HTR1F: variants seen among roughly 807,000 people sequenced by gnomAD.
The protein encoded by HTR1F is 5-hydroxytryptamine (serotonin) receptor 1F, G protein-coupled.
Under a neutral mutation model 24.0 loss-of-function variants are expected in HTR1F, and 17 were observed. The observed-to-expected ratio is 0.71, with a 90% CI of 0.48 to 1.06. HTR1F has a LOEUF of 1.06. HTR1F is among the 50% of genes least tolerant of loss of function. HTR1F has a pLI of 0.00. For synonymous variants in HTR1F, 186 were observed against 156.8 expected (o/e 1.19, Z -1.39); for missense variants, 391 against 427.8 (o/e 0.91, Z 0.76).
At chr3:87,909,229 G>C (rs764484215) in intron 2 of HTR1F, among the ~76,000 whole-genome samples, 2 of 151,970 alleles carry the variant, frequency 1.3e-5, no homozygotes, top group Non-Finnish European at 2.9e-5. Context: ...AAGAATCCCC[G>C]GTCAAATCAT....
Position 87,876,464 on chromosome 3 carries a change from T to G in HTR1F, c.-43+54340T>G, listed in dbSNP as rs373810686. On this transcript the variant is annotated intron_variant, in intron 2 of 2. Coordinates refer to ENST00000319595, the MANE Select transcript of HTR1F (RefSeq NM_001322209.2). ...AAAAGAAAGACATCTTGTCACATAGTAAAAACACAGATGAATCTTGAAGAC... is the reference window on the plus strand; with the variant it reads ...AAAAGAAAGACATCTTGTCACATAGGAAAAACACAGATGAATCTTGAAGAC... Among the ~76,000 whole-genome samples the G allele has an allele frequency of 3.3e-5, 5 of 152,228 alleles. No individual in the cohort carries two copies. The East Asian group carries it at 9.7e-4, about 29-fold the overall frequency.
intron 2 of HTR1F, among the ~76,000 whole-genome samples, chr3:87,823,296 AT>A (rs576154328): frequency 6.5e-4 from 99 of 152,246 alleles, no homozygotes; most frequent in African/African-American, 2.1e-3. Context: ...CCTTAGTATT[AT>A]TTTTTAAAAG....
At chr3:87,946,072 A>C (rs1704694023) in intron 2 of HTR1F, among the ~76,000 whole-genome samples, 2 of 152,206 alleles carry the variant, frequency 1.3e-5, no homozygotes, top group African/African-American at 2.4e-5. Context: ...GAACCCAGTG[A>C]CTAGTGTTCA....
At chr3:87,960,663 C>G (rs757006713) in intron 2 of HTR1F, among the ~76,000 whole-genome samples, 2 of 151,954 alleles carry the variant, frequency 1.3e-5, no homozygotes, top group Non-Finnish European at 2.9e-5. Context: ...ATAGAAGCAT[C>G]TTGCATGGAT....
intron 2 of HTR1F, among the ~76,000 whole-genome samples, 142 bp downstream of exon 2, chr3:87,822,266 A>G (rs1258577550): frequency 6.6e-6 from 1 of 152,218 alleles, no homozygotes; most frequent in Admixed American, 6.5e-5. Flanking sequence ...AGGAAAGGCC[A>G]GAGCCACTGA....
chr3:87,911,335 C>T (rs538749008), intron 2 of HTR1F, among the ~76,000 whole-genome samples: 5 of 152,200 alleles, frequency 3.3e-5, no homozygotes, highest in African/African-American at 9.6e-5. Flanking sequence ...CTATTATGAA[C>T]ACCTCTGTGC....
At chr3:87,921,690 T>C (rs1704015367) in intron 2 of HTR1F, among the ~76,000 whole-genome samples, 1 of 151,878 alleles carries the variant, frequency 6.6e-6, no homozygotes. Context: ...GCTGTATTTT[T>C]TTATTTGTTA....
At chr3:87,868,136 C>T (rs1705469044) in intron 2 of HTR1F, among the ~76,000 whole-genome samples, 1 of 152,094 alleles carries the variant, frequency 6.6e-6, no homozygotes, top group Non-Finnish European at 1.5e-5. Flanking sequence ...TGTACAGCCT[C>T]TGACATTTTC....
At chr3:87,932,348 T>A (rs1279769681) in intron 2 of HTR1F, among the ~76,000 whole-genome samples, 9 of 152,164 alleles carry the variant, frequency 5.9e-5, no homozygotes, top group Non-Finnish European at 1.0e-4. Context: ...AAAGATCAGA[T>A]AGTTGTAGAT....
chr3:87,884,457 C>T (rs1705887258), intron 2 of HTR1F, among the ~76,000 whole-genome samples: 1 of 152,110 alleles, frequency 6.6e-6, no homozygotes, highest in African/African-American at 2.4e-5. Context: ...GGCAAAAGAA[C>T]CAGCTAACAT....
chr3:87,885,537 A>G (rs1179726766), intron 2 of HTR1F, among the ~76,000 whole-genome samples: 1 of 152,166 alleles, frequency 6.6e-6, no homozygotes, highest in African/African-American at 2.4e-5. Flanking sequence ...CCCTTCAAAA[A>G]ATCAGTGAAT....
chr3:87,972,045 A>G (rs774394329), intron 2 of HTR1F, among the ~76,000 whole-genome samples: 6 of 152,162 alleles, frequency 3.9e-5, no homozygotes, highest in African/African-American at 7.2e-5. Context: ...CTCACCCTCA[A>G]TTAACACACA....
At chr3:87,823,930 G>A (rs554161144) in intron 2 of HTR1F, among the ~76,000 whole-genome samples, 2 of 151,616 alleles carry the variant, frequency 1.3e-5, no homozygotes, top group South Asian at 2.1e-4. Flanking sequence ...ATGGTGGCGC[G>A]CCTGTAGTCC....
At chr3:87,925,816 C>T (rs1325852356) in intron 2 of HTR1F, among the ~76,000 whole-genome samples, 1 of 152,136 alleles carries the variant, frequency 6.6e-6, no homozygotes, top group African/African-American at 2.4e-5. Context: ...TACCATTTCT[C>T]TACAATCTTG....
chr3:87,798,938 C>T (rs1386319571), intron 1 of HTR1F, among the ~76,000 whole-genome samples: 1 of 152,160 alleles, frequency 6.6e-6, no homozygotes, highest in Non-Finnish European at 1.5e-5. Context: ...ATTGCCCATT[C>T]TTAGCTCTCT....
At chr3:87,794,299 A>AAGGT (rs1480377394) in intron 1 of HTR1F, among the ~76,000 whole-genome samples, 4 of 152,060 alleles carry the variant, frequency 2.6e-5, no homozygotes, top group Non-Finnish European at 4.4e-5. Context: ...AAGCATCACC[A>AAGGT]CTTCGTGCCT....
intron 2 of HTR1F, among the ~76,000 whole-genome samples, chr3:87,832,098 C>G (rs1704591143): frequency 6.6e-6 from 1 of 152,128 alleles, no homozygotes; most frequent in African/African-American, 2.4e-5. Flanking sequence ...TTCATAACCA[C>G]TATACTGTGC....
At position 87,981,243 on chromosome 3, in the gene HTR1F, G is replaced by A. The variant is rs770266743; in HGVS notation, c.-42-9465G>A. ...GGAGTCTTACTCTGTCACCCAGGCT[G>A]GAGTGCAGTGGTGCAATCTCAGCTT... On this transcript the variant is annotated intron_variant, in intron 2 of 2. Transcript: ENST00000319595. Among the ~76,000 whole-genome samples, 27 of 152,132 alleles carry A rather than the reference G, an allele frequency of 1.8e-4. 1 individual carries two copies. Among genetic ancestry groups the A allele is most frequent in the Admixed American group, 1.3e-3 (20 of 15,280 alleles).
rs1055404449 is a variant in HTR1F, at chr3:87,992,686, G to A, written c.*836G>A. On this transcript the variant is annotated 3_prime_UTR_variant, in exon 3 of 3. Coordinates refer to ENST00000319595, the MANE Select transcript of HTR1F (RefSeq NM_001322209.2). ...TAAATATCATAGATTACTCACCACA[G>A]TTATACTCTTAACATCTTTTTAAAA... The A allele has an allele frequency of 6.0e-6, 1 of 166,854 alleles. No homozygotes were observed. The highest frequency in any genetic ancestry group is 2.4e-5 in the African/African-American group (1 of 41,404). 10.3% of individuals were successfully genotyped at this position (166,854 alleles called of 1,614,324 possible). A position where few individuals can be genotyped will look rare whatever the true frequency, so the allele number is the denominator to read the frequency against.
Sources: gnomAD v4.1 joint callset for allele counts (sites outside exome capture counted in the v4.1 genomes callset) on GRCh38, gnomAD v4.1.1 for gene constraint, MANE v1.5 for transcripts, NCBI Gene and HGNC (gene_info 2026-07-23, HGNC 2026-07-21) for gene names.